The following AIMP1 variants were observed in gnomAD, a reference collection of about 807,000 sequenced individuals.
AIMP1 encodes aminoacyl tRNA synthetase complex interacting multifunctional protein 1.
AIMP1 carries 24 observed loss-of-function variants against 33.1 expected under a neutral mutation model. That is an observed-to-expected ratio of 0.73 (90% CI 0.53 to 1.02). The LOEUF is 1.02. Among genes scored for constraint, AIMP1 ranks in the 50% least tolerant of loss-of-function variants. The pLI, the probability that AIMP1 is intolerant of heterozygous loss-of-function variation, is 0.00. For synonymous variants in AIMP1, 120 were observed against 121.5 expected (o/e 0.99, Z 0.08); for missense variants, 367 against 364.8 (o/e 1.01, Z -0.05).
chr4:106,332,759 A>T (rs990392127), intron 5 of AIMP1, among the ~76,000 whole-genome samples: 2 of 151,758 alleles, frequency 1.3e-5, no homozygotes, highest in African/African-American at 4.8e-5. Context: ...TTTAATCCCT[A>T]TACTGTTCAG....
intron 6 of AIMP1, among the ~76,000 whole-genome samples, chr4:106,346,064 G>GA (rs1417354210): frequency 6.6e-6 from 1 of 151,512 alleles, no homozygotes; most frequent in Non-Finnish European, 1.5e-5. Context: ...GAAAATAATT[G>GA]AATCATCGAA....
chr4:106,323,794 G>A (rs1769358419), intron 1 of AIMP1, among the ~76,000 whole-genome samples: 1 of 151,948 alleles, frequency 6.6e-6, no homozygotes, highest in Admixed American at 6.6e-5. Flanking sequence ...TACATCTCTA[G>A]CAAAGACATA....
rs1052322059 is a variant in AIMP1, at chr4:106,344,848, A to G, written c.773-2678A>G. 2.8e-4 allele frequency among the ~76,000 whole-genome samples: 42 copies of G among 152,254 alleles called. 1 individual carries two copies. The highest frequency in any genetic ancestry group is 8.7e-4 in the African/African-American group (36 of 41,572). ...TTTCTGAACCTCAGCTTTTTCATCT[A>G]TAAGAAGGGGTTTTTAGTTGGTATT... On this transcript the variant is annotated intron_variant, in intron 6 of 6. Coordinates refer to ENST00000672341, the MANE Select transcript of AIMP1 (RefSeq NM_001142416.2).
Position 106,321,490 on chromosome 4 carries a change from T to C in AIMP1, c.-25-3495T>C, listed in dbSNP as rs181787466. 482 of 153,360 alleles carry C rather than the reference T, an allele frequency of 3.1e-3. 2 individuals are homozygous for C. The highest frequency in any genetic ancestry group is 8.2e-3 in the South Asian group (41 of 5,026). The allele number at this position is 153,360 out of a possible 1,614,324, so 9.5% of individuals were successfully genotyped here. On this transcript the variant is annotated intron_variant, in intron 1 of 6. Transcript: ENST00000672341. ...CTGACCGGCTGCCCGGTCTGAGAAG[T>C]GAGGAGCCCCTCCGCCCGGCAGCCG... is the stretch of plus-strand genomic sequence containing the variant.
At chr4:106,338,361 G>A (rs1351537008) in intron 6 of AIMP1, among the ~76,000 whole-genome samples, 3 of 152,216 alleles carry the variant, frequency 2.0e-5, no homozygotes, top group Non-Finnish European at 4.4e-5. Context: ...AAGAAAAAAT[G>A]GTTTCCTGGG....
At chr4:106,341,324 C>T (rs904532151) in intron 6 of AIMP1, among the ~76,000 whole-genome samples, 3 of 151,910 alleles carry the variant, frequency 2.0e-5, no homozygotes, top group African/African-American at 7.3e-5. Flanking sequence ...AAATTCTTTG[C>T]CAAGGGTGAT....
At chr4:106,333,575 C>T (rs1047363964) in intron 5 of AIMP1, among the ~76,000 whole-genome samples, 1 of 152,140 alleles carries the variant, frequency 6.6e-6, no homozygotes, top group Non-Finnish European at 1.5e-5. Flanking sequence ...TAGAGTATCT[C>T]CACTTTTCCT....
At chr4:106,331,922 A>G (rs1769697612) in intron 5 of AIMP1, 39 bp downstream of exon 5, 1 of 1,545,744 alleles carries the variant, frequency 6.5e-7, no homozygotes, top group Non-Finnish European at 8.9e-7. Flanking sequence ...TGTACATACA[A>G]CATTTTCATT....
chr4:106,317,134 G>C (rs917972014), intron 1 of AIMP1, among the ~76,000 whole-genome samples: 1 of 152,158 alleles, frequency 6.6e-6, no homozygotes, highest in Admixed American at 6.5e-5. Flanking sequence ...GGGAAGAAGG[G>C]TATAAAGTGA....
intron 1 of AIMP1, among the ~76,000 whole-genome samples, chr4:106,319,661 T>G (rs1433251206): frequency 6.6e-6 from 1 of 152,218 alleles, no homozygotes; most frequent in African/African-American, 2.4e-5. Context: ...GCTTCTCTCT[T>G]CATAAATGTT....
upstream of AIMP1, chr4:106,316,196 G>A (rs992424476): frequency 1.0e-5 from 2 of 200,962 alleles, no homozygotes; most frequent in East Asian, 1.2e-4. Context: ...ACAGATCCGA[G>A]CTTTTCACCC....
intron 2 of AIMP1, among the ~76,000 whole-genome samples, chr4:106,326,788 T>G (rs754198206): frequency 5.9e-5 from 9 of 152,088 alleles, no homozygotes; most frequent in Non-Finnish European, 1.3e-4. Context: ...TTTTAAAAAT[T>G]TTTTTGAGAC....
At chr4:106,316,350 G>C, upstream of AIMP1, 1 of 591,124 alleles carries the variant, frequency 1.7e-6, no homozygotes, top group Non-Finnish European at 3.1e-6. Context: ...AAGAGGTGCG[G>C]GGGGACGGGG....
chr4:106,320,723 A>C (rs1301104063), intron 1 of AIMP1, among the ~76,000 whole-genome samples: 1 of 151,796 alleles, frequency 6.6e-6, no homozygotes, highest in Non-Finnish European at 1.5e-5. Context: ...GGTACAAGTA[A>C]TTTTTTAAAT....
At chr4:106,319,681 C>T (rs1769123416) in intron 1 of AIMP1, among the ~76,000 whole-genome samples, 1 of 152,192 alleles carries the variant, frequency 6.6e-6, no homozygotes, top group Non-Finnish European at 1.5e-5. Context: ...TTTATATTTT[C>T]AATTACTGTG....
At chr4:106,322,704 CGCCAG>C (rs1232957545) in intron 1 of AIMP1, among the ~76,000 whole-genome samples, 3 of 152,010 alleles carry the variant, frequency 2.0e-5, no homozygotes, top group African/African-American at 7.2e-5. Flanking sequence ...AGAGTCTGGG[CGCCAG>C]TGCAATGGCT....
intron 6 of AIMP1, among the ~76,000 whole-genome samples, chr4:106,342,277 T>C (rs964849255): frequency 4.6e-5 from 7 of 152,236 alleles, no homozygotes; most frequent in Non-Finnish European, 8.8e-5. Flanking sequence ...GGATGCCTTT[T>C]CTTTCTCTTG....
chr4:106,340,014 A>G (rs907909296), intron 6 of AIMP1, among the ~76,000 whole-genome samples: 7 of 152,278 alleles, frequency 4.6e-5, no homozygotes, highest in African/African-American at 1.7e-4. Context: ...AGCAGAAGAG[A>G]AAAGATTCTT....
rs1214239214 is a variant in AIMP1 at position 106,316,574 on chromosome 4, A to G, written c.-46A>G. 1 of 1,551,476 alleles carries G rather than the reference A, an allele frequency of 6.4e-7. No individual in the cohort carries two copies. The highest frequency in any genetic ancestry group is 1.4e-5 in the African/African-American group (1 of 73,102). ...TGCTTCCTGCTGTGGCTGTCTCGGA[A>G]CCCGTGGTCCTCCGCTTCATGTGAG... On this transcript the variant is annotated 5_prime_UTR_variant, in exon 1 of 7. Transcript: ENST00000672341.
Sources: gnomAD v4.1 joint callset for allele counts (sites outside exome capture counted in the v4.1 genomes callset) on GRCh38, gnomAD v4.1.1 for gene constraint, MANE v1.5 for transcripts, NCBI Gene and HGNC (gene_info 2026-07-23, HGNC 2026-07-21) for gene names.